Variants in TMEM44 observed in about 807,000 individuals in gnomAD.
The protein encoded by TMEM44 is transmembrane protein 44.
TMEM44 carries 43 observed loss-of-function variants against 47.8 expected under a neutral mutation model. The observed-to-expected ratio is 0.90, with a 90% CI of 0.70 to 1.16. The LOEUF (loss-of-function observed/expected upper bound fraction) is 1.16, where lower values mean the gene tolerates loss of function less well. TMEM44 is among the 50% of genes most tolerant of loss of function. The probability of loss-of-function intolerance (pLI) is 0.00; values close to 1 mark genes in which losing one functional copy is unlikely to be tolerated. For missense variants in TMEM44, 568 were observed against 555.2 expected (o/e 1.02, Z -0.23); for synonymous variants, 277 against 238.8 (o/e 1.16, Z -1.48).
intron 4 of TMEM44, 39 bp from the exon 5 acceptor site, chr3:194,623,349 CAG>C: frequency 1.3e-6 from 2 of 1,567,520 alleles, no homozygotes; most frequent in Non-Finnish European, 1.7e-6. Context: ...CAGTACTCTG[CAG>C]AGACTGCCCA....
intron 7 of TMEM44, among the ~76,000 whole-genome samples, chr3:194,614,968 G>A (rs115624028): frequency 0.016 from 2,475 of 152,210 alleles, 66 homozygotes; most frequent in African/African-American, 0.056. Context: ...TACGCACCAC[G>A]GCTTATGCCT....
At chr3:194,623,799 A>T in intron 3 of TMEM44, 104 bp from the exon 4 acceptor site, 1 of 1,454,846 alleles carries the variant, frequency 6.9e-7, no homozygotes, top group Non-Finnish European at 9.4e-7. Context: ...ATGATGCTGA[A>T]GCGGGTTCCC....
At chr3:194,591,277 G>A (rs1428435473) in intron 9 of TMEM44, among the ~76,000 whole-genome samples, 2 of 148,800 alleles carry the variant, frequency 1.3e-5, no homozygotes, top group Non-Finnish European at 3.0e-5. Context: ...TGGATCACCT[G>A]AGGTCAGGAG....
intron 3 of TMEM44, 96 bp from the exon 4 acceptor site, chr3:194,623,791 G>A: frequency 6.6e-7 from 1 of 1,524,964 alleles, no homozygotes; most frequent in Non-Finnish European, 8.9e-7. Flanking sequence ...CTCCCCACAT[G>A]ATGCTGAAGC....
At chr3:194,619,678 G>C (rs1189552232) in intron 5 of TMEM44, among the ~76,000 whole-genome samples, 2 of 152,230 alleles carry the variant, frequency 1.3e-5, no homozygotes, top group Non-Finnish European at 2.9e-5. Context: ...GCCAGGGTCT[G>C]AAGCCATGCT....
intron 5 of TMEM44, among the ~76,000 whole-genome samples, chr3:194,622,286 C>T (rs1275680700): frequency 2.0e-5 from 3 of 152,236 alleles, no homozygotes; most frequent in East Asian, 1.9e-4. Context: ...CACCACCCCA[C>T]GGTCTGGCAG....
intron 9 of TMEM44, among the ~76,000 whole-genome samples, chr3:194,599,318 A>G (rs764127813): frequency 1.3e-5 from 2 of 152,152 alleles, no homozygotes; most frequent in African/African-American, 2.4e-5. Flanking sequence ...CCACTGGCAG[A>G]AAATGTGCGC....
chr3:194,617,363 T>G, intron 5 of TMEM44, 94 bp from the exon 6 acceptor site: 2 of 1,355,942 alleles, frequency 1.5e-6, no homozygotes, highest in Non-Finnish European at 9.8e-7. Flanking sequence ...GCAAGCCCTC[T>G]GCCTGCAGCC....
chr3:194,632,134 G>C (rs934133484), intron 1 of TMEM44, among the ~76,000 whole-genome samples: 1 of 152,202 alleles, frequency 6.6e-6, no homozygotes, highest in Non-Finnish European at 1.5e-5. Context: ...CAGAAAGTGG[G>C]GGTAACAGCA....
In TMEM44 at chr3:194,615,765, C is replaced by T. The variant is rs1715816414; in HGVS notation, c.784-68G>A. On this transcript the variant is annotated intron_variant, in intron 6 of 9. Coordinates refer to ENST00000347147, the MANE Select transcript of TMEM44 (RefSeq NM_001011655.3). Reference sequence around the variant, plus strand: ...TGCCTAGCGTGGCCCTTCACCCCTCCACACCATGCTGCCACCCCCCTCCCC... The same window carrying T: ...TGCCTAGCGTGGCCCTTCACCCCTCTACACCATGCTGCCACCCCCCTCCCC... 3.2e-6 allele frequency: 5 copies of T among 1,579,644 alleles called. No homozygotes were observed. The South Asian group carries it at 4.5e-5, about 14-fold the overall frequency.
At chr3:194,625,790 G>C in intron 3 of TMEM44, 107 bp downstream of exon 3, 2 of 1,018,408 alleles carry the variant, frequency 2.0e-6, no homozygotes, top group South Asian at 2.6e-5. Flanking sequence ...TTTCTCCTTT[G>C]TTTGTGCCTG....
chr3:194,624,396 T>C (rs1459611519), intron 3 of TMEM44, among the ~76,000 whole-genome samples: 1 of 152,128 alleles, frequency 6.6e-6, no homozygotes. Context: ...CATGCTTCAC[T>C]ACACACTGCT....
At chr3:194,615,061 AC>A (rs1560182354) in intron 7 of TMEM44, among the ~76,000 whole-genome samples, 1 of 151,634 alleles carries the variant, frequency 6.6e-6, no homozygotes, top group Non-Finnish European at 1.5e-5. Flanking sequence ...ACATGGTGAA[AC>A]CCCATCTGTC....
chr3:194,608,726 A>G (rs956480003), intron 8 of TMEM44, among the ~76,000 whole-genome samples: 6 of 152,176 alleles, frequency 3.9e-5, no homozygotes, highest in African/African-American at 1.4e-4. Flanking sequence ...ACAGGAGACG[A>G]GAGATGGGGT....
At position 194,624,173 on chromosome 3, in the gene TMEM44, T is replaced by C. The variant is rs549250424; in HGVS notation, c.359-478A>G. On this transcript the variant is annotated intron_variant, in intron 3 of 9. Coordinates refer to ENST00000347147, the MANE Select transcript of TMEM44 (RefSeq NM_001011655.3). Reference sequence around the variant, plus strand: ...GTGTCTTTGTCCCTGAACTGTAAGATAGGCACTCCTCTGAGCAATTCTGTT... The same window carrying C: ...GTGTCTTTGTCCCTGAACTGTAAGACAGGCACTCCTCTGAGCAATTCTGTT... Among the ~76,000 whole-genome samples, 7 of 152,302 alleles carry C rather than the reference T, an allele frequency of 4.6e-5. No homozygotes were observed. In the South Asian group the frequency reaches 1.2e-3, roughly 27 times the overall value.
chr3:194,591,580 C>T (rs145150661), intron 9 of TMEM44, among the ~76,000 whole-genome samples: 1 of 152,208 alleles, frequency 6.6e-6, no homozygotes, highest in East Asian at 1.9e-4. Flanking sequence ...TTTTCTGACT[C>T]TCCAGAATAA....
At chr3:194,603,215 C>T (rs573252281) in intron 9 of TMEM44, among the ~76,000 whole-genome samples, 56 of 152,336 alleles carry the variant, frequency 3.7e-4, no homozygotes, top group African/African-American at 1.2e-3. Flanking sequence ...GTGTGTGATC[C>T]AAGCTGTGAC....
intron 1 of TMEM44, among the ~76,000 whole-genome samples, chr3:194,632,136 G>C (rs571809077): frequency 5.1e-4 from 77 of 152,318 alleles, no homozygotes; most frequent in African/African-American, 1.8e-3. Context: ...GAAAGTGGGG[G>C]TAACAGCACC....
chr3:194,591,122 A>G (rs7635082), intron 9 of TMEM44, among the ~76,000 whole-genome samples: 14,131 of 152,114 alleles, frequency 0.093, 754 homozygotes, highest in South Asian at 0.21. Flanking sequence ...TGAACCTGGG[A>G]GGCAGAGGTT....
Sources: allele counts gnomAD v4.1 joint callset (sites outside exome capture counted in the v4.1 genomes callset), GRCh38; gene constraint gnomAD v4.1.1; transcripts MANE v1.5; gene names NCBI Gene and HGNC (gene_info 2026-07-23, HGNC 2026-07-21).